The following NUP210 variants were observed in gnomAD, a reference collection of about 807,000 sequenced individuals.
NUP210 encodes nucleoporin 210, also known as nuclear pore membrane glycoprotein 210.
In NUP210, 151 loss-of-function variants were observed where a neutral mutation model predicts 196.0. The ratio of observed to expected loss-of-function variants is 0.77; its 90% CI spans 0.67 to 0.88. NUP210 has a LOEUF of 0.88. Ranked by LOEUF, NUP210 falls within the 40% of genes least tolerant of loss-of-function variation. NUP210 has a pLI of 0.00. For missense variants in NUP210, 2,314 were observed against 2,493.7 expected (o/e 0.93, Z 1.53); for synonymous variants, 1,070 against 1,052.7 (o/e 1.02, Z -0.32).
intron 2 of NUP210, 95 bp from the exon 3 acceptor site, chr3:13,397,583 C>T (rs1056244396): frequency 2.4e-5 from 32 of 1,337,342 alleles, no homozygotes; most frequent in South Asian, 2.4e-4. Context: ...GCAAAGACCA[C>T]GGCAACCACC....
intron 14 of NUP210, among the ~76,000 whole-genome samples, chr3:13,363,495 T>A (rs1051262326): frequency 1.3e-5 from 2 of 152,236 alleles, no homozygotes; most frequent in Admixed American, 1.3e-4. Context: ...ATTCTCTCCC[T>A]TAGGCATGAA....
chr3:13,388,926 T>TGGTC (rs935626090), intron 4 of NUP210, among the ~76,000 whole-genome samples: 2 of 152,240 alleles, frequency 1.3e-5, no homozygotes, highest in African/African-American at 4.8e-5. Context: ...TCTCCATGAC[T>TGGTC]GGTCCCCTAG....
chr3:13,377,365 G>A (rs532978223), intron 9 of NUP210, 91 bp downstream of exon 9: 2 of 878,938 alleles, frequency 2.3e-6, no homozygotes, highest in Admixed American at 1.9e-5. Context: ...CTGCATGGGG[G>A]CTCCTGTTGC....
rs1455283633 is a variant in NUP210, at chr3:13,342,023, C to T, written c.3065G>A (p.Arg1022Gln). 3.1e-6 allele frequency: 5 copies of T among 1,614,150 alleles called. No homozygotes were observed. Among genetic ancestry groups the T allele is most frequent in the South Asian group, 2.2e-5 (2 of 91,082 alleles). ...CAATGTAATGATCGGGGAGGCTGCT[C>T]GGAGCTTCAGGTCCATAAAGGGGAA... ...KYFPFMDLKL[R>Q]AASPIITLVA... The change falls in exon 22 of 40, where the codon CGA (arginine) becomes CAA (glutamine). Residue 1022 changes from arginine to glutamine, a missense_variant. Arg to Gln is a conservative substitution (Grantham distance 43). Transcript: ENST00000254508.
At chr3:13,321,876 C>A in intron 35 of NUP210, 41 bp from the exon 36 acceptor site, 2 of 1,584,218 alleles carry the variant, frequency 1.3e-6, no homozygotes, top group South Asian at 1.1e-5. Flanking sequence ...CCTCTCCTGC[C>A]CGTGCACTGA....
chr3:13,376,424 C>A lies in NUP210; in HGVS notation c.1160G>T (p.Arg387Leu), dbSNP rs141201901. The change falls in exon 10 of 40, where the codon CGA becomes CTA. Residue 387 changes from arginine to leucine, a missense_variant. By Grantham distance (102) the Arg-to-Leu change is moderately radical (BLOSUM62 -2). Transcript: ENST00000254508. ...CTCAGCAGGAAGCACAGTTTCAATTCGGATGTTCTGGAAGGTGAGGCAGGA... is the reference window on the plus strand; with the variant it reads ...CTCAGCAGGAAGCACAGTTTCAATTAGGATGTTCTGGAAGGTGAGGCAGGA... ...SNKVYVSDNI[R>L]IETVLPAEFF... The A allele has an allele frequency of 6.2e-7, 1 of 1,614,158 alleles. No individual in the cohort carries two copies. The highest frequency in any genetic ancestry group is 8.5e-7 in the Non-Finnish European group (1 of 1,180,010).
Position 13,323,873 on chromosome 3 carries a change from T to G in NUP210, c.4645-441A>C, listed in dbSNP as rs763860640. Reference sequence around the variant, plus strand: ...CCCAAACAGCCCCAGGCTGGAGACCTCCCTGCACTCCCTTGGCTAGGACAC... The same window carrying G: ...CCCAAACAGCCCCAGGCTGGAGACCGCCCTGCACTCCCTTGGCTAGGACAC... On this transcript the variant is annotated intron_variant, in intron 33 of 39. Transcript: ENST00000254508. This position sits in a 1 kb window ranked among gnomAD's most constrained non-coding sequence, Gnocchi z 4.3. Among the ~76,000 whole-genome samples, 9 of 152,012 alleles carry G rather than the reference T, an allele frequency of 5.9e-5. No homozygotes were observed. Among genetic ancestry groups the G allele is most frequent in the Non-Finnish European group, 8.8e-5 (6 of 67,974 alleles).
At chr3:13,329,132 A>C (rs1696894522) in intron 30 of NUP210, among the ~76,000 whole-genome samples, 186 bp from the exon 31 acceptor site, 1 of 152,146 alleles carries the variant, frequency 6.6e-6, no homozygotes, top group Admixed American at 6.5e-5. Flanking sequence ...CCTAGTGACA[A>C]GGTTCTTACT....
At chr3:13,386,545 C>A (rs1699283386) in intron 5 of NUP210, 138 bp from the exon 6 acceptor site, 1 of 1,160,864 alleles carries the variant, frequency 8.6e-7, no homozygotes, top group African/African-American at 1.5e-5. Flanking sequence ...ATTCCCAAAT[C>A]CTCACTTTCA....
intron 1 of NUP210, among the ~76,000 whole-genome samples, chr3:13,409,659 T>G (rs1700101601): frequency 6.6e-6 from 1 of 152,044 alleles, no homozygotes; most frequent in Admixed American, 6.6e-5. Context: ...GGCCTTAGTG[T>G]AGTCTAGCTC....
chr3:13,341,347 C>T (rs1016516519), intron 23 of NUP210, among the ~76,000 whole-genome samples: 4 of 152,212 alleles, frequency 2.6e-5, no homozygotes, highest in African/African-American at 4.8e-5. Context: ...CCACTGCCCT[C>T]GAAGTGCCTG....
intron 16 of NUP210, among the ~76,000 whole-genome samples, chr3:13,355,464 C>A (rs1339515191): frequency 1.3e-5 from 2 of 152,212 alleles, no homozygotes; most frequent in Non-Finnish European, 2.9e-5. Context: ...GGTCTCCCAG[C>A]CAACTAGAGA....
At chr3:13,358,949 A>G (rs1698279391) in intron 15 of NUP210, among the ~76,000 whole-genome samples, 1 of 152,240 alleles carries the variant, frequency 6.6e-6, no homozygotes, top group African/African-American at 2.4e-5. Context: ...TCCATGGTGC[A>G]AGAAAAGAGG....
In NUP210 at chr3:13,350,319, A is replaced by C. The variant is rs1697923590; in HGVS notation, c.2835+1560T>G. On this transcript the variant is annotated intron_variant, in intron 20 of 39. Coordinates refer to ENST00000254508, the MANE Select transcript of NUP210 (RefSeq NM_024923.4). The surrounding 1 kb of genome is among the most constrained non-coding windows in gnomAD (Gnocchi z 4.1). ...AGCAAAATAACAAGGCCAGTCACTA[A>C]AGAAGTAAACAAGCAAATAATAATA... Among the ~76,000 whole-genome samples the C allele has an allele frequency of 6.6e-6, 1 of 152,144 alleles. No homozygotes were observed. Among genetic ancestry groups the C allele is most frequent in the Admixed American group, 6.6e-5 (1 of 15,252 alleles).
chr3:13,375,322 G>A (rs1576396685), intron 11 of NUP210, among the ~76,000 whole-genome samples, 182 bp downstream of exon 11: 2 of 151,024 alleles, frequency 1.3e-5, no homozygotes, highest in East Asian at 3.9e-4. Context: ...GGTTTTTGTT[G>A]TTTTTTTTCC....
intron 1 of NUP210, among the ~76,000 whole-genome samples, chr3:13,407,861 A>G (rs1163592956): frequency 6.6e-6 from 1 of 152,186 alleles, no homozygotes. Flanking sequence ...CCAAGGACAC[A>G]ACTAAGTACA....
In NUP210 at chr3:13,343,254, C is replaced by T; in HGVS notation, c.2885G>A (p.Cys962Tyr). ...GSSTIMIHDL[C>Y]LVFPAPAKAV... ...CTTGGCTGGGGCCGGGAAGACGAGG[C>T]ACAAGTCATGGATCATGATGGTGGA... is the stretch of plus-strand genomic sequence containing the variant. Residue 962 changes from cysteine to tyrosine, a missense_variant, in exon 21 of 40, where the codon TGC (cysteine) becomes TAC (tyrosine). Transcript: ENST00000254508. 1 of 1,562,066 alleles carries T rather than the reference C, an allele frequency of 6.4e-7. No homozygotes were observed.
intron 21 of NUP210, 84 bp from the exon 22 acceptor site, chr3:13,342,207 G>C: frequency 6.5e-7 from 1 of 1,538,608 alleles, no homozygotes; most frequent in South Asian, 1.2e-5. Flanking sequence ...TTCTGAGATA[G>C]CATCACTAAC....
At chr3:13,326,697 T>C (rs569756527) in intron 32 of NUP210, among the ~76,000 whole-genome samples, 5 of 152,364 alleles carry the variant, frequency 3.3e-5, no homozygotes, top group African/African-American at 1.2e-4. Context: ...GCCTGTGCTG[T>C]CCACTATGGC....
Sources: gnomAD v4.1 joint callset for allele counts (sites outside exome capture counted in the v4.1 genomes callset) on GRCh38, gnomAD v4.1.1 for gene constraint, Gnocchi (gnomAD v3.1) non-coding constraint, MANE v1.5 for transcripts, NCBI Gene and HGNC (gene_info 2026-07-23, HGNC 2026-07-21) for gene names.